The following ADAMTSL1 variants were observed in gnomAD, a reference collection of about 807,000 sequenced individuals.
The protein encoded by ADAMTSL1 is ADAMTS-like protein 1.
Under a neutral mutation model 201.8 loss-of-function variants are expected in ADAMTSL1, and 126 were observed. The observed-to-expected ratio is 0.62, with a 90% CI of 0.54 to 0.72. The LOEUF (loss-of-function observed/expected upper bound fraction) is 0.72, where lower values mean the gene tolerates loss of function less well. ADAMTSL1 is among the 30% of genes least tolerant of loss of function. The pLI, the probability that ADAMTSL1 is intolerant of heterozygous loss-of-function variation, is 0.00. For synonymous variants in ADAMTSL1, 1,121 were observed against 903.4 expected (o/e 1.24, Z -4.32); for missense variants, 2,679 against 2,277.8 (o/e 1.18, Z -3.59).
intron 1 of ADAMTSL1, among the ~76,000 whole-genome samples, chr9:18,503,369 G>A (rs1180150292): frequency 7.0e-6 from 1 of 142,568 alleles, no homozygotes; most frequent in Non-Finnish European, 1.5e-5. Flanking sequence ...CATTCATGTT[G>A]AACCTGCATC....
At position 18,533,691 on chromosome 9, in the gene ADAMTSL1, A is replaced by T. The variant is rs113349601; in HGVS notation, c.237+399A>T. Reference sequence around the variant, plus strand: ...ATTCAACAAATATTATTCAGTGCCAACTATGTGTGAGGCACTACACCAGTA... The same window carrying T: ...ATTCAACAAATATTATTCAGTGCCATCTATGTGTGAGGCACTACACCAGTA... On this transcript the variant is annotated intron_variant, in intron 3 of 28. Coordinates refer to ENST00000380548, the MANE Select transcript of ADAMTSL1 (RefSeq NM_001040272.6). Among the ~76,000 whole-genome samples, 5 of 152,232 alleles carry T rather than the reference A, an allele frequency of 3.3e-5. No individual in the cohort carries two copies. In the South Asian group the frequency reaches 1.0e-3, roughly 31 times the overall value.
chr9:18,785,680 A>G (rs995112154), intron 19 of ADAMTSL1, among the ~76,000 whole-genome samples: 1 of 152,230 alleles, frequency 6.6e-6, no homozygotes, highest in Non-Finnish European at 1.5e-5. Context: ...TTTTGGATAG[A>G]GTATAACACC....
chr9:18,578,759 G>T (rs1822897544), intron 4 of ADAMTSL1, among the ~76,000 whole-genome samples: 1 of 151,696 alleles, frequency 6.6e-6, no homozygotes, highest in Admixed American at 6.6e-5. Flanking sequence ...TGGGATGGCT[G>T]GGTCAAATGG....
At chr9:18,654,010 C>G (rs988099089) in intron 7 of ADAMTSL1, among the ~76,000 whole-genome samples, 7 of 152,174 alleles carry the variant, frequency 4.6e-5, no homozygotes, top group Non-Finnish European at 7.4e-5. Context: ...GGTGGATCAC[C>G]TGAGATCAGG....
chr9:18,721,720 A>T, intron 15 of ADAMTSL1, 55 bp downstream of exon 15: 1 of 1,578,010 alleles, frequency 6.3e-7, no homozygotes, highest in South Asian at 1.2e-5. Context: ...AACTGGGCGC[A>T]TCTTTCAGTG....
chr9:18,309,307 A>G (rs1353533108), intron 2 of ADAMTSL1, among the ~76,000 whole-genome samples: 2 of 152,154 alleles, frequency 1.3e-5, no homozygotes, highest in Non-Finnish European at 2.9e-5. Flanking sequence ...CACCACTCCT[A>G]TTCAACATAG....
intron 3 of ADAMTSL1, among the ~76,000 whole-genome samples, chr9:18,546,659 A>T (rs1820488562): frequency 1.3e-5 from 2 of 152,096 alleles, no homozygotes; most frequent in Non-Finnish European, 2.9e-5. Flanking sequence ...TATGACTAGG[A>T]TTTATTTACT....
chr9:17,964,129 G>A (rs142092007), intron 1 of ADAMTSL1, among the ~76,000 whole-genome samples: 61 of 152,248 alleles, frequency 4.0e-4, no homozygotes, highest in African/African-American at 1.4e-3. Flanking sequence ...TACAAACTTA[G>A]TTATTAGTAA....
chr9:18,910,474 AC>A lies in ADAMTSL1; in HGVS notation c.*1928del, dbSNP rs1830541503. The A allele has an allele frequency of 6.6e-6, 1 of 152,202 alleles. No individual in the cohort carries two copies. The highest frequency in any genetic ancestry group is 2.1e-4 in the South Asian group (1 of 4,828). The allele number at this position is 152,202 out of a possible 1,614,324, so 9.4% of individuals were successfully genotyped here. ...TTATATTTTTCCTATTTTTAATAGA[AC>A]CTGGTGTTTAACTCTGGATCCATTC... is the stretch of plus-strand genomic sequence containing the variant. On this transcript the variant is annotated 3_prime_UTR_variant, in exon 29 of 29. Transcript: ENST00000380548.
intron 24 of ADAMTSL1, among the ~76,000 whole-genome samples, chr9:18,888,343 T>A (rs1021377769): frequency 6.6e-6 from 1 of 152,186 alleles, no homozygotes; most frequent in African/African-American, 2.4e-5. Flanking sequence ...TATATCAAAG[T>A]CAGATGTGAT....
At position 17,936,065 on chromosome 9, in the gene ADAMTSL1, T is replaced by C. The variant is rs1826996199; in HGVS notation, c.87+29143T>C. On this transcript the variant is annotated intron_variant, in intron 1 of 29. Transcript: ENST00000680146. The stretch of plus-strand genomic sequence containing the variant: ...TGTGCTTCTACCTCAAGGCTTTGTA[T>C]TTAGCATTTAGCTCTTAGAAAACAA... Among the ~76,000 whole-genome samples, 3 of 152,212 alleles carry C rather than the reference T, an allele frequency of 2.0e-5. 1 individual carries two copies. The highest frequency in any genetic ancestry group is 2.0e-4 in the Admixed American group (3 of 15,282).
chr9:18,330,446 T>G (rs913004880), intron 2 of ADAMTSL1, among the ~76,000 whole-genome samples: 9 of 151,954 alleles, frequency 5.9e-5, no homozygotes, highest in Non-Finnish European at 1.0e-4. Context: ...ACCTTCTTTG[T>G]TTCATCAAAA....
chr9:18,197,804 A>T (rs555570578), intron 2 of ADAMTSL1, among the ~76,000 whole-genome samples: 1 of 152,102 alleles, frequency 6.6e-6, no homozygotes, highest in Non-Finnish European at 1.5e-5. Context: ...CGCCAAGTCA[A>T]TCCTAAGGCA....
intron 2 of ADAMTSL1, among the ~76,000 whole-genome samples, chr9:18,408,785 T>A (rs1323635075): frequency 2.6e-5 from 4 of 152,204 alleles, no homozygotes; most frequent in Non-Finnish European, 5.9e-5. Context: ...TTATTGGACA[T>A]AAAATGTTGT....
chr9:18,391,718 T>C (rs544591199), intron 2 of ADAMTSL1, among the ~76,000 whole-genome samples: 8 of 152,194 alleles, frequency 5.3e-5, no homozygotes, highest in Non-Finnish European at 1.2e-4. Context: ...AAGAGAGTTT[T>C]TAATTAGGGA....
At chr9:18,223,314 TATTCTAAAATCTGAAAA>T (rs1346181698) in intron 2 of ADAMTSL1, among the ~76,000 whole-genome samples, 1 of 152,122 alleles carries the variant, frequency 6.6e-6, no homozygotes, top group African/African-American at 2.4e-5. Context: ...ATAATGCAAT[TATTCTAAAATCTGAAAA>T]ATTCTGAAAT....
intron 1 of ADAMTSL1, among the ~76,000 whole-genome samples, chr9:18,067,026 T>C (rs774126914): frequency 6.6e-6 from 1 of 152,088 alleles, no homozygotes; most frequent in South Asian, 2.1e-4. Flanking sequence ...TTAGGAGATA[T>C]ACCTAATGCT....
intron 2 of ADAMTSL1, among the ~76,000 whole-genome samples, chr9:18,219,840 T>G (rs142701374): frequency 6.6e-6 from 1 of 152,178 alleles, no homozygotes. Flanking sequence ...ACAACTGATA[T>G]CAAGTGTACT....
intron 1 of ADAMTSL1, among the ~76,000 whole-genome samples, chr9:18,040,890 C>T (rs866162720): frequency 5.9e-5 from 9 of 152,078 alleles, no homozygotes; most frequent in Middle Eastern, 6.8e-3. Flanking sequence ...TTATTTGTTC[C>T]GTTGTTAACA....
Sources: gnomAD v4.1 joint callset for allele counts (sites outside exome capture counted in the v4.1 genomes callset) on GRCh38, gnomAD v4.1.1 for gene constraint, MANE v1.5 for transcripts, NCBI Gene and HGNC (gene_info 2026-07-23, HGNC 2026-07-21) for gene names.